Variants in SRD5A2 observed in about 807,000 individuals in gnomAD.
SRD5A2 encodes steroid 5 alpha-reductase 2.
In SRD5A2, 30 loss-of-function variants were observed where a neutral mutation model predicts 27.4. The observed-to-expected ratio is 1.10, with a 90% CI of 0.82 to 1.49. The LOEUF (loss-of-function observed/expected upper bound fraction) is 1.49. SRD5A2 is among the 40% of genes most tolerant of loss of function. The pLI is 0.00. For missense variants in SRD5A2, 348 were observed against 323.4 expected (o/e 1.08, Z -0.58); for synonymous variants, 141 against 133.6 (o/e 1.06, Z -0.38).
Position 31,526,089 on chromosome 2 carries a change from AC to A in SRD5A2, c.*106del, listed in dbSNP as rs1665772121. ...CAGCTGGCAGAACGCCAGGAGACCT[AC>A]TATTACATATATACGGGACTATTAT... On this transcript the variant is annotated 3_prime_UTR_variant, in exon 5 of 5. Transcript: ENST00000622030. 1 of 731,162 alleles carries A rather than the reference AC, an allele frequency of 1.4e-6. No homozygotes were observed. Among genetic ancestry groups the A allele is most frequent in the African/African-American group, 1.8e-5 (1 of 54,764 alleles). The allele number at this position is 731,162 out of a possible 1,614,324, so 45.3% of individuals were successfully genotyped here. A position where few individuals can be genotyped will look rare whatever the true frequency, so the allele number is the denominator to read the frequency against.
At chr2:31,626,549 G>C in the SRD5A2 span, among the ~76,000 whole-genome samples, 1 of 152,122 alleles carries the variant, frequency 6.6e-6, no homozygotes, top group Non-Finnish European at 1.5e-5. Flanking sequence ...CTAGATTATT[G>C]AGAGTTTTTA....
At chr2:31,551,563 T>G (rs963434369) in intron 1 of SRD5A2, among the ~76,000 whole-genome samples, 1 of 152,088 alleles carries the variant, frequency 6.6e-6, no homozygotes, top group Non-Finnish European at 1.5e-5. Flanking sequence ...GTTGAATATG[T>G]CATGCAATTT....
chr2:31,525,654 A>G lies in SRD5A2; in HGVS notation c.*542T>C. 1 of 228,048 alleles carries G rather than the reference A, an allele frequency of 4.4e-6. No homozygotes were observed. The highest frequency in any genetic ancestry group is 8.7e-6 in the Non-Finnish European group (1 of 114,928). 14.1% of individuals were successfully genotyped at this position (228,048 alleles called of 1,614,324 possible). Reference sequence around the variant, plus strand: ...CTCCTGTATTCAAGGTCTACCTAATAATTTCTCATCTTTCCTAATTAACCA... The same window carrying G: ...CTCCTGTATTCAAGGTCTACCTAATGATTTCTCATCTTTCCTAATTAACCA... On this transcript the variant is annotated 3_prime_UTR_variant, in exon 5 of 5. Coordinates refer to ENST00000622030, the MANE Select transcript of SRD5A2 (RefSeq NM_000348.4).
chr2:31,578,134 G>A (rs2148104620), intron 1 of SRD5A2, among the ~76,000 whole-genome samples: 1 of 152,110 alleles, frequency 6.6e-6, no homozygotes. Context: ...AGATTTGATA[G>A]AAATTCTCTA....
the SRD5A2 span, among the ~76,000 whole-genome samples, chr2:31,655,851 T>C: frequency 6.6e-6 from 1 of 152,124 alleles, no homozygotes; most frequent in Non-Finnish European, 1.5e-5. Flanking sequence ...AGAAAGAAAC[T>C]AAAAATATAA....
the SRD5A2 span, among the ~76,000 whole-genome samples, chr2:31,597,150 G>C: frequency 8.5e-5 from 13 of 152,172 alleles, no homozygotes; most frequent in Non-Finnish European, 1.3e-4. Flanking sequence ...GAACAAAATA[G>C]ATAACTCAGA....
the SRD5A2 span, among the ~76,000 whole-genome samples, chr2:31,590,784 T>C: frequency 6.6e-6 from 1 of 152,032 alleles, no homozygotes; most frequent in African/African-American, 2.4e-5. Flanking sequence ...CACATATATA[T>C]AACTATCTGA....
the SRD5A2 span, among the ~76,000 whole-genome samples, chr2:31,607,065 C>T: frequency 9.2e-5 from 14 of 151,574 alleles, no homozygotes; most frequent in African/African-American, 3.1e-4. Flanking sequence ...ATGAATTAGA[C>T]ATAATAGTTG....
chr2:31,629,597 G>A, the SRD5A2 span, among the ~76,000 whole-genome samples: 2 of 152,100 alleles, frequency 1.3e-5, no homozygotes, highest in African/African-American at 4.8e-5. Context: ...TGGGAGTGTT[G>A]GTCTGCCTAG....
At position 31,522,751 on chromosome 2, in the gene SRD5A2, T is replaced by C. The variant is rs1665683307; in HGVS notation, c.*3445A>G. On this transcript the variant is annotated 3_prime_UTR_variant, in exon 5 of 5. Transcript: ENST00000622030. ...AGATGCTATAAAATAATCAGCATCC[T>C]TCTCCAGAAAAATTCACTTTACATT... The C allele has an allele frequency of 4.5e-6, 1 of 222,980 alleles. No individual in the cohort carries two copies. The highest frequency in any genetic ancestry group is 6.5e-5 in the East Asian group (1 of 15,416). 13.8% of individuals were successfully genotyped at this position (222,980 alleles called of 1,614,324 possible).
chr2:31,603,146 A>G, the SRD5A2 span, among the ~76,000 whole-genome samples: 1 of 152,168 alleles, frequency 6.6e-6, no homozygotes, highest in Non-Finnish European at 1.5e-5. Flanking sequence ...AGAATGGGAG[A>G]AAATTTTTTC....
intron 1 of SRD5A2, among the ~76,000 whole-genome samples, chr2:31,577,719 G>A (rs1448401423): frequency 6.6e-6 from 1 of 152,106 alleles, no homozygotes; most frequent in African/African-American, 2.4e-5. Context: ...ATAAAGCCAA[G>A]ACAGCCTGAT....
At chr2:31,544,472 A>G (rs184273692) in intron 1 of SRD5A2, among the ~76,000 whole-genome samples, 132 of 152,056 alleles carry the variant, frequency 8.7e-4, no homozygotes, top group African/African-American at 3.1e-3. Flanking sequence ...ATCAAAAGAG[A>G]AAGCAAAGGG....
At chr2:31,584,950 C>A (rs1461199947), upstream of SRD5A2, among the ~76,000 whole-genome samples, 3 of 152,182 alleles carry the variant, frequency 2.0e-5, no homozygotes, top group African/African-American at 7.2e-5. Context: ...TCCATCACAC[C>A]CTGGCAGCTG....
At chr2:31,640,250 T>G in the SRD5A2 span, among the ~76,000 whole-genome samples, 1 of 152,112 alleles carries the variant, frequency 6.6e-6, no homozygotes, top group African/African-American at 2.4e-5. Context: ...ATTGCTTTTC[T>G]GTGTTATCTT....
At chr2:31,642,721 A>G in the SRD5A2 span, among the ~76,000 whole-genome samples, 4 of 152,030 alleles carry the variant, frequency 2.6e-5, no homozygotes, top group Non-Finnish European at 4.4e-5. Flanking sequence ...AAGAAAGTAC[A>G]TAGAAACTTT....
the SRD5A2 span, among the ~76,000 whole-genome samples, chr2:31,648,470 C>T: frequency 6.6e-6 from 1 of 152,320 alleles, no homozygotes; most frequent in Non-Finnish European, 1.5e-5. Context: ...AGTGTTGAAG[C>T]TTGAGCTAGA....
chr2:31,525,017 C>T lies in SRD5A2; in HGVS notation c.*1179G>A, dbSNP rs1665743240. ...TGCTAGAGTTTTATGAAGGAATCTC[C>T]TGATTTTTAAGTTTTTGAAACTTTG... On this transcript the variant is annotated 3_prime_UTR_variant, in exon 5 of 5. Coordinates refer to ENST00000622030, the MANE Select transcript of SRD5A2 (RefSeq NM_000348.4). 1.4e-5 allele frequency: 3 copies of T among 216,722 alleles called. No individual in the cohort carries two copies. The South Asian group carries it at 5.6e-4, about 40-fold the overall frequency. The allele number at this position is 216,722 out of a possible 1,614,324, so 13.4% of individuals were successfully genotyped here.
chr2:31,625,720 A>C, the SRD5A2 span, among the ~76,000 whole-genome samples: 33 of 152,188 alleles, frequency 2.2e-4, no homozygotes, highest in Admixed American at 1.3e-3. Context: ...ATTGATCTAT[A>C]TCTCTGTTTT....
Sources: gnomAD v4.1 joint callset for allele counts (sites outside exome capture counted in the v4.1 genomes callset) on GRCh38, gnomAD v4.1.1 for gene constraint, MANE v1.5 for transcripts, NCBI Gene and HGNC (gene_info 2026-07-23, HGNC 2026-07-21) for gene names.